The following SATL1 variants were observed in gnomAD, a reference collection of about 807,000 sequenced individuals.
SATL1 encodes spermidine/spermine N1-acetyl transferase like 1, also known as spermidine/spermine N(1)-acetyltransferase-like protein 1.
SATL1 carries 47 observed loss-of-function variants against 51.8 expected under a neutral mutation model. That is an observed-to-expected ratio of 0.91 (90% CI 0.72 to 1.16). The LOEUF (loss-of-function observed/expected upper bound fraction) is 1.16, where lower values mean the gene tolerates loss of function less well. Ranked by LOEUF, SATL1 falls within the 50% of genes most tolerant of loss-of-function variation. The pLI is 0.00. For synonymous variants in SATL1, 176 were observed against 182.4 expected (o/e 0.97, Z 0.28); for missense variants, 520 against 526.4 (o/e 0.99, Z 0.12).
rs186981289 is a variant in SATL1, at chrX:85,203,437, A to G, written c.-313+20768T>C. ...AATGGCTAAGTCACCCAAAGAGCAA[A>G]GCACTTTGAAGGCCAAAGGCTGGAA... On this transcript the variant is annotated intron_variant, in intron 2 of 7. Transcript: ENST00000644105. 5.7e-4 allele frequency among the ~76,000 whole-genome samples: 64 copies of G among 111,773 alleles called. 1 individual carries two copies. Among genetic ancestry groups the G allele is most frequent in the African/African-American group, 2.0e-3 (62 of 30,733 alleles).
chrX:85,111,362 T>C (rs1198447892), intron 2 of SATL1, among the ~76,000 whole-genome samples: 1 of 112,453 alleles, frequency 8.9e-6, no homozygotes, highest in Non-Finnish European at 1.9e-5. Flanking sequence ...TAACGGAACA[T>C]ACAAAAAATA....
intron 2 of SATL1, among the ~76,000 whole-genome samples, chrX:85,178,178 A>G (rs1484678778): frequency 1.8e-5 from 2 of 111,512 alleles, no homozygotes; most frequent in Middle Eastern, 4.2e-3. Flanking sequence ...CTAATAAATA[A>G]CATTTAGCTC....
chrX:85,131,405 C>T (rs1338579760), intron 2 of SATL1, among the ~76,000 whole-genome samples: 1 of 111,134 alleles, frequency 9.0e-6, no homozygotes. Context: ...TATGTAATGG[C>T]CTTCTTTGTC....
intron 2 of SATL1, among the ~76,000 whole-genome samples, chrX:85,134,440 G>A (rs1454096571): frequency 9.0e-6 from 1 of 111,337 alleles, no homozygotes; most frequent in South Asian, 3.8e-4. Context: ...GTGCCAGGTA[G>A]GTATAATGCT....
At chrX:85,243,056 T>C (rs752233023) in intron 1 of SATL1, among the ~76,000 whole-genome samples, 13 of 112,596 alleles carry the variant, frequency 1.2e-4, no homozygotes, top group Non-Finnish European at 2.4e-4. Flanking sequence ...GACTTTCACA[T>C]CTTCTATAAT....
At chrX:85,217,784 A>G (rs1928080573) in intron 2 of SATL1, among the ~76,000 whole-genome samples, 1 of 111,453 alleles carries the variant, frequency 9.0e-6, no homozygotes, top group Non-Finnish European at 1.9e-5. Context: ...TTTCAGGCTA[A>G]TACTCTCCTA....
rs1249866455 is a variant in SATL1 at position 85,109,191 on chromosome X, T to C, written c.-223A>G. 2.4e-6 allele frequency: 1 copy of C among 414,747 alleles called. No homozygotes were observed. Among genetic ancestry groups the C allele is most frequent in the African/African-American group, 2.5e-5 (1 of 40,045 alleles). The allele number at this position is 414,747 out of a possible 1,213,427, so 34.2% of individuals were successfully genotyped here. Reference sequence around the variant, plus strand: ...AAAAGAGAGGAGCACCTCAGGAAGATTATTAATGCCTCCGGTTTGCTGGAG... The same window carrying C: ...AAAAGAGAGGAGCACCTCAGGAAGACTATTAATGCCTCCGGTTTGCTGGAG... On this transcript the variant is annotated 5_prime_UTR_variant, in exon 3 of 8. Coordinates refer to ENST00000644105, the MANE Select transcript of SATL1 (RefSeq NM_001367857.2).
In SATL1 at chrX:85,107,392, A is replaced by T; in HGVS notation, c.1577T>A (p.Met526Lys). The T allele has an allele frequency of 8.2e-7, 1 of 1,212,207 alleles. No homozygotes were observed. Among genetic ancestry groups the T allele is most frequent in the East Asian group, 3.0e-5 (1 of 33,833 alleles). The stretch of plus-strand genomic sequence containing the variant: ...TGCATGTCTTATTTGAAAGTAATCC[A>T]TGCTTGTTTGCCTCATGCCCATTTG... Reference protein sequence around the residue: ...VSQMGMRQTSMDYFQIRHAEA... With the variant: ...VSQMGMRQTSKDYFQIRHAEA... The change falls in exon 3 of 8, where the codon ATG (methionine) becomes AAG (lysine). Residue 526 changes from methionine to lysine, a missense_variant. Met to Lys is a moderately conservative substitution (Grantham distance 95). Transcript: ENST00000644105.
rs1928704433 is a variant in SATL1 at position 85,243,695 on chromosome X, C to T, written c.-542G>A. The T allele has an allele frequency of 9.1e-6, 1 of 110,088 alleles. No individual in the cohort carries two copies. Among genetic ancestry groups the T allele is most frequent in the Admixed American group, 9.6e-5 (1 of 10,461 alleles). 9.1% of individuals were successfully genotyped at this position (110,088 alleles called of 1,213,427 possible). ...TATTAGAGGTTCAGTCATTGATTAT[C>T]CTCCTCCCTTTCTTCGTTTCCCTTG... On this transcript the variant is annotated 5_prime_UTR_variant, in exon 1 of 8. Coordinates refer to ENST00000644105, the MANE Select transcript of SATL1 (RefSeq NM_001367857.2).
intron 2 of SATL1, among the ~76,000 whole-genome samples, chrX:85,213,042 A>C (rs1433343967): frequency 8.0e-5 from 9 of 111,835 alleles, no homozygotes; most frequent in Admixed American, 2.9e-4. Flanking sequence ...GGATTAGGAA[A>C]TATGAACCAA....
chrX:85,240,752 A>G (rs921673320), intron 1 of SATL1, among the ~76,000 whole-genome samples: 1 of 109,093 alleles, frequency 9.2e-6, no homozygotes, highest in African/African-American at 3.3e-5. Context: ...CATCATTCAA[A>G]GTTACTATTA....
intron 1 of SATL1, among the ~76,000 whole-genome samples, chrX:85,241,359 T>C (rs1286537278): frequency 9.0e-6 from 1 of 111,083 alleles, no homozygotes; most frequent in Non-Finnish European, 1.9e-5. Context: ...GGATCATTCA[T>C]ACACCAAACT....
At chrX:85,122,859 G>T (rs1925537029) in intron 2 of SATL1, among the ~76,000 whole-genome samples, 1 of 111,246 alleles carries the variant, frequency 9.0e-6, no homozygotes, top group South Asian at 3.7e-4. Context: ...TCTTGTTTGT[G>T]CTTGTTTGTA....
rs770510098 is a variant in SATL1, at chrX:85,103,104, A to C, written c.1693+760T>G. On this transcript the variant is annotated intron_variant, in intron 4 of 7. Coordinates refer to ENST00000644105, the MANE Select transcript of SATL1 (RefSeq NM_001367857.2). ...AGTGGTGTTAATTACCAAGTATAAG[A>C]ACATAAGTATCATCACATAAGACAA... Among the ~76,000 whole-genome samples the C allele has an allele frequency of 4.5e-5, 5 of 111,715 alleles. No individual in the cohort carries two copies. In the South Asian group the frequency reaches 1.9e-3, roughly 42 times the overall value.
chrX:85,240,962 T>A (rs1338443830), intron 1 of SATL1, among the ~76,000 whole-genome samples: 1 of 110,439 alleles, frequency 9.1e-6, no homozygotes, highest in African/African-American at 3.3e-5. Flanking sequence ...ATGGTACCCC[T>A]GCTCTCTGAC....
chrX:85,160,752 T>A (rs1388915220), intron 2 of SATL1, among the ~76,000 whole-genome samples: 1 of 110,639 alleles, frequency 9.0e-6, no homozygotes, highest in Non-Finnish European at 1.9e-5. Context: ...TTGGAAAACA[T>A]ATTTCGGGTT....
intron 1 of SATL1, among the ~76,000 whole-genome samples, chrX:85,224,768 C>CAA (rs58905613): frequency 0.018 from 1,073 of 59,726 alleles, 32 homozygotes; most frequent in African/African-American, 0.053. Context: ...GAGTATATAT[C>CAA]AAAAAAAAAA....
intron 2 of SATL1, among the ~76,000 whole-genome samples, chrX:85,130,463 G>GT (rs201457762): frequency 2.3e-4 from 26 of 111,675 alleles, no homozygotes; most frequent in African/African-American, 8.1e-4. Flanking sequence ...TCTGATGGTA[G>GT]TTTGTATTTC....
intron 2 of SATL1, among the ~76,000 whole-genome samples, chrX:85,158,762 G>C (rs1229968945): frequency 9.0e-6 from 1 of 111,360 alleles, no homozygotes; most frequent in African/African-American, 3.3e-5. Flanking sequence ...ATGGATAAAT[G>C]CTCACTGAAA....
Sources: allele counts gnomAD v4.1 joint callset (sites outside exome capture counted in the v4.1 genomes callset), GRCh38; gene constraint gnomAD v4.1.1; transcripts MANE v1.5; gene names NCBI Gene and HGNC (gene_info 2026-07-23, HGNC 2026-07-21).